Variants in TMEM132D observed in about 807,000 individuals in gnomAD.
The protein encoded by TMEM132D is transmembrane protein 132D.
In TMEM132D, 21 loss-of-function variants were observed where a neutral mutation model predicts 62.3. The ratio of observed to expected loss-of-function variants is 0.34; its 90% CI spans 0.24 to 0.49. The LOEUF (loss-of-function observed/expected upper bound fraction) is 0.49, where lower values mean the gene tolerates loss of function less well. TMEM132D is among the 20% of genes least tolerant of loss of function. The pLI is 0.99. For missense variants in TMEM132D, 1,346 were observed against 1,402.8 expected, an observed-to-expected ratio of 0.96 and a Z score of 0.65; for synonymous variants, 621 against 575.6, an observed-to-expected ratio of 1.08 and a Z score of -1.13.
intron 4 of TMEM132D, among the ~76,000 whole-genome samples, chr12:129,232,134 C>T (rs1170041086): frequency 1.3e-5 from 2 of 152,128 alleles, no homozygotes; most frequent in African/African-American, 4.8e-5. Context: ...GGTTGCAGCC[C>T]GGATCTTGGG....
chr12:129,239,922 G>C (rs1229955107), intron 4 of TMEM132D, among the ~76,000 whole-genome samples: 1 of 152,166 alleles, frequency 6.6e-6, no homozygotes, highest in East Asian at 1.9e-4. Flanking sequence ...TTTGATTTTA[G>C]TTCCCTGGTT....
rs1874094143 is a variant in TMEM132D at position 129,072,260 on chromosome 12, A to G, written c.*1615T>C. On this transcript the variant is annotated 3_prime_UTR_variant, in exon 9 of 9. Transcript: ENST00000422113. ...ACTGAAGAGCAGAGAGAGAGAGAAA[A>G]TGACCAGAGGGAAAAATAGAAGATC... 1 of 152,506 alleles carries G rather than the reference A, an allele frequency of 6.6e-6. No homozygotes were observed. Among genetic ancestry groups the G allele is most frequent in the African/African-American group, 2.4e-5 (1 of 41,430 alleles). The allele number at this position is 152,506 out of a possible 1,614,324, so 9.4% of individuals were successfully genotyped here.
chr12:129,567,076 G>A (rs1343223156), intron 2 of TMEM132D, among the ~76,000 whole-genome samples: 3 of 152,312 alleles, frequency 2.0e-5, no homozygotes, highest in East Asian at 3.9e-4. Flanking sequence ...TTCTCAAGAC[G>A]TCCTGGGGCT....
Position 129,383,686 on chromosome 12 carries a change from G to A in TMEM132D, c.1116-45869C>T, listed in dbSNP as rs563250269. Among the ~76,000 whole-genome samples, 6 of 152,282 alleles carry A rather than the reference G, an allele frequency of 3.9e-5. No individual in the cohort carries two copies. The East Asian group carries it at 1.2e-3, about 29-fold the overall frequency. ...ACTCCTGACCTCAAGAGATCCATCT[G>A]CCTTGGCCTCTTAAAGTGCTGGGAT... is the stretch of plus-strand genomic sequence containing the variant. On this transcript the variant is annotated intron_variant, in intron 3 of 8. Transcript: ENST00000422113.
chr12:129,799,155 C>G (rs1426328959), intron 1 of TMEM132D, among the ~76,000 whole-genome samples: 1 of 152,030 alleles, frequency 6.6e-6, no homozygotes, highest in Non-Finnish European at 1.5e-5. Flanking sequence ...ATCCCAACTA[C>G]TCAGGAGGCT....
At chr12:129,615,214 A>G (rs1878881570) in intron 2 of TMEM132D, among the ~76,000 whole-genome samples, 1 of 152,102 alleles carries the variant, frequency 6.6e-6, no homozygotes, top group Non-Finnish European at 1.5e-5. Flanking sequence ...TAGAACAGGG[A>G]AATGTGGATT....
intron 3 of TMEM132D, among the ~76,000 whole-genome samples, chr12:129,526,448 C>A (rs144636890): frequency 2.0e-5 from 3 of 152,186 alleles, no homozygotes; most frequent in Non-Finnish European, 4.4e-5. Context: ...CCATGCCCAG[C>A]TAATTTTTGT....
intron 1 of TMEM132D, among the ~76,000 whole-genome samples, chr12:129,719,422 T>C (rs61945200): frequency 0.033 from 5,084 of 152,316 alleles, 117 homozygotes; most frequent in South Asian, 0.088. Flanking sequence ...ACAACAGAAC[T>C]AGAGGCATAC....
intron 1 of TMEM132D, among the ~76,000 whole-genome samples, chr12:129,706,423 C>T (rs943848307): frequency 2.6e-5 from 4 of 151,848 alleles, no homozygotes; most frequent in African/African-American, 7.2e-5. Context: ...TAATAAAAGA[C>T]ACAATTCACA....
chr12:129,688,790 G>A (rs1880992063), intron 2 of TMEM132D, among the ~76,000 whole-genome samples: 1 of 151,914 alleles, frequency 6.6e-6, no homozygotes, highest in Admixed American at 6.6e-5. Context: ...AAAACTAAAT[G>A]ATATGTGCAA....
At chr12:129,373,774 G>A (rs1356878303) in intron 3 of TMEM132D, among the ~76,000 whole-genome samples, 1 of 152,230 alleles carries the variant, frequency 6.6e-6, no homozygotes, top group Non-Finnish European at 1.5e-5. Context: ...TAAGTCTGGA[G>A]AGAAAAGACC....
chr12:129,347,317 G>T (rs1869717737), intron 3 of TMEM132D, among the ~76,000 whole-genome samples: 1 of 152,088 alleles, frequency 6.6e-6, no homozygotes, highest in Non-Finnish European at 1.5e-5. Flanking sequence ...AATATCACAA[G>T]GCTACAGTAA....
intron 3 of TMEM132D, among the ~76,000 whole-genome samples, chr12:129,510,656 G>C (rs984325069): frequency 1.3e-5 from 2 of 152,064 alleles, no homozygotes; most frequent in African/African-American, 4.8e-5. Context: ...CAAGAGATAG[G>C]GGTCTAGTTT....
At chr12:129,145,527 A>ACC (rs1332901490) in intron 5 of TMEM132D, among the ~76,000 whole-genome samples, 1 of 152,092 alleles carries the variant, frequency 6.6e-6, no homozygotes, top group Non-Finnish European at 1.5e-5. Context: ...CGTGATCGCA[A>ACC]CATCACAAGC....
intron 5 of TMEM132D, among the ~76,000 whole-genome samples, chr12:129,119,027 A>T (rs1220400415): frequency 6.6e-6 from 1 of 152,206 alleles, no homozygotes; most frequent in Non-Finnish European, 1.5e-5. Flanking sequence ...AGAGAGGGGC[A>T]ATGACATCTA....
At chr12:129,271,817 G>T (rs1353594364) in intron 4 of TMEM132D, among the ~76,000 whole-genome samples, 1 of 151,856 alleles carries the variant, frequency 6.6e-6, no homozygotes, top group Non-Finnish European at 1.5e-5. Context: ...TCATTGATGG[G>T]CATTTAGGTT....
At chr12:129,101,939 C>CACATAATT (rs1161509546) in intron 5 of TMEM132D, among the ~76,000 whole-genome samples, 5 of 151,872 alleles carry the variant, frequency 3.3e-5, no homozygotes, top group Non-Finnish European at 7.4e-5. Flanking sequence ...TTCATAATCC[C>CACATAATT]CCGCTTCTCT....
chr12:129,209,672 C>T lies in TMEM132D; in HGVS notation c.1300-9G>A. Reference sequence around the variant, plus strand: ...TTCAGGATTTCTGCCTCCTGGAAGACCAAACACACCCTTCCATCACATCCC... The same window carrying T: ...TTCAGGATTTCTGCCTCCTGGAAGATCAAACACACCCTTCCATCACATCCC... On this transcript the variant is annotated splice_polypyrimidine_tract_variant and intron_variant, in intron 4 of 8. Transcript: ENST00000422113. 1 of 1,613,988 alleles carries T rather than the reference C, an allele frequency of 6.2e-7. No individual in the cohort carries two copies. Among genetic ancestry groups the T allele is most frequent in the Non-Finnish European group, 8.5e-7 (1 of 1,179,914 alleles).
intron 1 of TMEM132D, among the ~76,000 whole-genome samples, chr12:129,815,554 T>TCTAGC (rs749468905): frequency 1.3e-5 from 2 of 152,176 alleles, no homozygotes; most frequent in Non-Finnish European, 2.9e-5. Context: ...TAGAACACCA[T>TCTAGC]CTAGCCGATA....
Sources: allele counts gnomAD v4.1 joint callset (sites outside exome capture counted in the v4.1 genomes callset), GRCh38; gene constraint gnomAD v4.1.1; transcripts MANE v1.5; gene names NCBI Gene and HGNC (gene_info 2026-07-23, HGNC 2026-07-21).